ROBO2: variants seen among roughly 807,000 people sequenced by gnomAD.
ROBO2 encodes the protein roundabout homolog 2.
In ROBO2, 53 loss-of-function variants were observed where a neutral mutation model predicts 160.8. The observed-to-expected ratio is 0.33, with a 90% CI of 0.26 to 0.41. The LOEUF is 0.41. ROBO2 is among the 10% of genes least tolerant of loss of function. ROBO2 has a pLI of 1.00. For missense variants in ROBO2, 1,577 were observed against 1,722.4 expected, an observed-to-expected ratio of 0.92 and a Z score of 1.49; for synonymous variants, 664 against 611.7, an observed-to-expected ratio of 1.09 and a Z score of -1.26.
intron 2 of ROBO2, among the ~76,000 whole-genome samples, chr3:76,848,294 C>T (rs1364941116): frequency 3.3e-5 from 5 of 152,068 alleles, no homozygotes; most frequent in Admixed American, 3.3e-4. Context: ...GGCATACTGG[C>T]GAAGGATGCT....
chr3:77,130,904 A>G (rs1035362734), intron 2 of ROBO2, among the ~76,000 whole-genome samples: 1 of 152,216 alleles, frequency 6.6e-6, no homozygotes, highest in African/African-American at 2.4e-5. Context: ...CACTGACAGT[A>G]TGGTTAGCAT....
intron 2 of ROBO2, among the ~76,000 whole-genome samples, chr3:77,448,711 G>A (rs917398179): frequency 6.6e-6 from 1 of 151,966 alleles, no homozygotes; most frequent in South Asian, 2.1e-4. Flanking sequence ...CAAGAGACTG[G>A]CAGCTTCTCG....
At chr3:77,529,617 T>C (rs950551778) in intron 6 of ROBO2, among the ~76,000 whole-genome samples, 3 of 151,892 alleles carry the variant, frequency 2.0e-5, no homozygotes, top group Non-Finnish European at 4.4e-5. Context: ...AAATGTGATA[T>C]ACACAGAGTA....
chr3:77,523,523 T>C (rs2090826313), intron 6 of ROBO2, among the ~76,000 whole-genome samples: 1 of 151,394 alleles, frequency 6.6e-6, no homozygotes, highest in Non-Finnish European at 1.5e-5. Context: ...TCCTCAGTCA[T>C]GGAATAATGT....
intron 1 of ROBO2, among the ~76,000 whole-genome samples, chr3:75,907,567 G>A (rs530257913): frequency 6.6e-6 from 1 of 152,182 alleles, no homozygotes; most frequent in East Asian, 1.9e-4. Flanking sequence ...AAGCCATGTT[G>A]GTTCACTTCA....
chr3:76,248,822 C>T (rs1705800863), intron 2 of ROBO2, among the ~76,000 whole-genome samples: 1 of 152,078 alleles, frequency 6.6e-6, no homozygotes, highest in South Asian at 2.1e-4. Context: ...ATTTCACCAA[C>T]CTCTAAACTC....
intron 2 of ROBO2, among the ~76,000 whole-genome samples, chr3:76,430,996 T>C (rs2076412727): frequency 6.6e-6 from 1 of 152,112 alleles, no homozygotes; most frequent in South Asian, 2.1e-4. Flanking sequence ...ATAATAGTCA[T>C]TTATAGATAT....
chr3:76,422,944 C>T (rs2108941798), intron 2 of ROBO2, among the ~76,000 whole-genome samples: 1 of 152,042 alleles, frequency 6.6e-6, no homozygotes, highest in East Asian at 1.9e-4. Flanking sequence ...ACTAAAGATG[C>T]ATGATGAAAA....
chr3:77,410,720 C>CTCCTCCTCCTCT lies in ROBO2; in HGVS notation c.389-66683_389-66672dup, dbSNP rs1252871721. On this transcript the variant is annotated intron_variant, in intron 2 of 25. Coordinates refer to ENST00000461745, the Ensembl canonical transcript of ROBO2. ...CCTCTTCCTCCTCCTCCTCCTCTTC[C>CTCCTCCTCCTCT]TCCTCCTCCTCTTCCTCCTCCTTTT... is the stretch of plus-strand genomic sequence containing the variant. Among the ~76,000 whole-genome samples the CTCCTCCTCCTCT allele has an allele frequency of 6.3e-4, 83 of 131,480 alleles. 1 individual carries two copies. The South Asian group carries it at 6.6e-3, about 10-fold the overall frequency. The allele number at this position is 131,480 out of a possible 152,430, so 86.3% of individuals were successfully genotyped here.
At chr3:76,744,751 A>T (rs1441654386) in intron 2 of ROBO2, among the ~76,000 whole-genome samples, 1 of 141,858 alleles carries the variant, frequency 7.0e-6, no homozygotes, top group Non-Finnish European at 1.5e-5. Context: ...ACATAAACTT[A>T]AAAAAAATCT....
intron 2 of ROBO2, among the ~76,000 whole-genome samples, chr3:76,180,196 G>A (rs1413273854): frequency 1.3e-5 from 2 of 152,116 alleles, no homozygotes; most frequent in African/African-American, 2.4e-5. Context: ...CCTCTGTTTA[G>A]CAGTAATAAT....
chr3:77,425,789 G>A (rs147534955), intron 2 of ROBO2, among the ~76,000 whole-genome samples: 290 of 151,276 alleles, frequency 1.9e-3, no homozygotes, highest in African/African-American at 6.7e-3. Context: ...TCAGCTTCTC[G>A]AGTAGCTGGA....
At chr3:77,287,617 C>T (rs747018427) in intron 2 of ROBO2, among the ~76,000 whole-genome samples, 1 of 152,076 alleles carries the variant, frequency 6.6e-6, no homozygotes, top group Non-Finnish European at 1.5e-5. Context: ...CAGCAAGTAG[C>T]TTTATATGTG....
intron 2 of ROBO2, among the ~76,000 whole-genome samples, chr3:77,349,869 C>T (rs1457841457): frequency 6.6e-6 from 1 of 151,990 alleles, no homozygotes; most frequent in East Asian, 1.9e-4. Context: ...AATTAATTTT[C>T]CATGCAGCTC....
chr3:77,051,931 A>G (rs1415392202), intron 1 of ROBO2, among the ~76,000 whole-genome samples: 1 of 152,244 alleles, frequency 6.6e-6, no homozygotes, highest in Non-Finnish European at 1.5e-5. Context: ...ATTTAGTTCT[A>G]TGGATTGTTA....
intron 2 of ROBO2, among the ~76,000 whole-genome samples, chr3:77,203,927 C>T (rs1269391357): frequency 1.3e-5 from 2 of 152,198 alleles, no homozygotes; most frequent in Non-Finnish European, 2.9e-5. Flanking sequence ...AAAGTTGCCT[C>T]TCTGCATGGA....
At chr3:76,027,804 A>G (rs184010489) in intron 2 of ROBO2, among the ~76,000 whole-genome samples, 86 of 152,084 alleles carry the variant, frequency 5.7e-4, no homozygotes, top group South Asian at 1.2e-3. Flanking sequence ...CTTGTACTAA[A>G]AAGTTATTTG....
intron 2 of ROBO2, among the ~76,000 whole-genome samples, chr3:76,556,744 A>G (rs2083817473): frequency 6.6e-6 from 1 of 152,158 alleles, no homozygotes; most frequent in Non-Finnish European, 1.5e-5. Flanking sequence ...TGTATATTAT[A>G]GATCCATATT....
At chr3:76,756,457 A>AT (rs2060975800) in intron 2 of ROBO2, among the ~76,000 whole-genome samples, 1 of 151,812 alleles carries the variant, frequency 6.6e-6, no homozygotes, top group South Asian at 2.1e-4. Context: ...ATTAGCATGG[A>AT]TTTGGGGTGA....
Sources: allele counts gnomAD v4.1 joint callset (sites outside exome capture counted in the v4.1 genomes callset), GRCh38; gene constraint gnomAD v4.1.1; transcripts MANE v1.5; gene names NCBI Gene and HGNC (gene_info 2026-07-23, HGNC 2026-07-21).